HDAC9: variants seen among roughly 807,000 people sequenced by gnomAD.
HDAC9 encodes the protein MEF-2 interacting transcription repressor (MITR) protein.
A neutral mutation model predicts 139.4 loss-of-function variants in HDAC9; 41 were observed. That is an observed-to-expected ratio of 0.29 (90% CI 0.23 to 0.38). HDAC9 has a LOEUF of 0.38. Ranked by LOEUF, HDAC9 falls within the 10% of genes least tolerant of loss-of-function variation. HDAC9 has a pLI of 1.00. For missense variants in HDAC9, 1,147 were observed against 1,297.0 expected (o/e 0.88, Z 1.78); for synonymous variants, 517 against 476.2 (o/e 1.09, Z -1.12).
chr7:18,683,789 T>G (rs1313021444), intron 12 of HDAC9, among the ~76,000 whole-genome samples: 1 of 152,056 alleles, frequency 6.6e-6, no homozygotes, highest in Non-Finnish European at 1.5e-5. Flanking sequence ...ACTGGAGGCA[T>G]CAAAGTCTGA....
At chr7:18,747,340 A>G (rs546904494) in intron 13 of HDAC9, among the ~76,000 whole-genome samples, 3 of 152,186 alleles carry the variant, frequency 2.0e-5, no homozygotes, top group Non-Finnish European at 4.4e-5. Flanking sequence ...ATTAGAGATA[A>G]TAACACCTTG....
At chr7:18,180,466 T>C (rs1789333519) in intron 2 of HDAC9, among the ~76,000 whole-genome samples, 2 of 152,130 alleles carry the variant, frequency 1.3e-5, no homozygotes, top group African/African-American at 2.4e-5. Flanking sequence ...GTATGAGAGA[T>C]TGATCATTTT....
At chr7:18,199,754 C>CAAAAA (rs59883693) in intron 2 of HDAC9, among the ~76,000 whole-genome samples, 4 of 55,712 alleles carry the variant, frequency 7.2e-5, no homozygotes, top group East Asian at 6.1e-4. Flanking sequence ...ATGTGTCTAC[C>CAAAAA]AAAAAAAAAA....
At chr7:18,503,786 T>C (rs1258577859) in intron 2 of HDAC9, among the ~76,000 whole-genome samples, 2 of 152,208 alleles carry the variant, frequency 1.3e-5, no homozygotes, top group Non-Finnish European at 2.9e-5. Context: ...TCAGAAACTT[T>C]TAAATTCATA....
intron 17 of HDAC9, among the ~76,000 whole-genome samples, chr7:18,816,733 A>G (rs1250142087): frequency 6.6e-6 from 1 of 152,220 alleles, no homozygotes; most frequent in Non-Finnish European, 1.5e-5. Flanking sequence ...ATTTTCATGC[A>G]TGATCTAACT....
In HDAC9 at chr7:18,235,020, A is replaced by G. The variant is rs566223495; in HGVS notation, c.25+72671A>G. Among the ~76,000 whole-genome samples, 6 of 152,250 alleles carry G rather than the reference A, an allele frequency of 3.9e-5. No homozygotes were observed. In the South Asian group the frequency reaches 1.0e-3, roughly 26 times the overall value. On this transcript the variant is annotated intron_variant, in intron 2 of 12. Transcript: ENST00000417496. ...AGCTTGTGAAAAAAGCCCCTTTGGGATCCTTTGCCCAGAGCTCTTGTTCAG... is the reference window on the plus strand; with the variant it reads ...AGCTTGTGAAAAAAGCCCCTTTGGGGTCCTTTGCCCAGAGCTCTTGTTCAG...
intron 25 of HDAC9, among the ~76,000 whole-genome samples, chr7:18,982,182 G>A (rs1463711744): frequency 6.6e-6 from 1 of 152,124 alleles, no homozygotes; most frequent in Non-Finnish European, 1.5e-5. Flanking sequence ...TCAGTCCAAA[G>A]TATCATCATC....
At chr7:18,389,864 A>G (rs1439883348) in intron 1 of HDAC9, among the ~76,000 whole-genome samples, 1 of 152,138 alleles carries the variant, frequency 6.6e-6, no homozygotes, top group Non-Finnish European at 1.5e-5. Context: ...GGGGTTAATA[A>G]AAGTTGGCTT....
chr7:18,638,412 G>A (rs1181311138), intron 8 of HDAC9, among the ~76,000 whole-genome samples: 3 of 152,070 alleles, frequency 2.0e-5, no homozygotes, highest in Non-Finnish European at 1.5e-5. Context: ...ATAAATTGAG[G>A]TTCAGGAAAT....
At chr7:18,119,424 T>C (rs1784223296) in intron 1 of HDAC9, among the ~76,000 whole-genome samples, 1 of 152,214 alleles carries the variant, frequency 6.6e-6, no homozygotes, top group Non-Finnish European at 1.5e-5. Flanking sequence ...ACATTTGCCA[T>C]AGAAAATGTT....
At chr7:18,561,995 C>T (rs985902994) in intron 2 of HDAC9, among the ~76,000 whole-genome samples, 1 of 152,108 alleles carries the variant, frequency 6.6e-6, no homozygotes. Flanking sequence ...GCCAACACTT[C>T]TTATAATACA....
chr7:18,972,794 A>G (rs767063481), intron 24 of HDAC9, among the ~76,000 whole-genome samples: 3 of 152,230 alleles, frequency 2.0e-5, no homozygotes, highest in Non-Finnish European at 4.4e-5. Flanking sequence ...ATGAGAAATT[A>G]AGAGTAGAGT....
At chr7:18,799,378 G>A (rs1242898697) in intron 17 of HDAC9, among the ~76,000 whole-genome samples, 1 of 152,114 alleles carries the variant, frequency 6.6e-6, no homozygotes, top group Non-Finnish European at 1.5e-5. Flanking sequence ...TTTGAGACAA[G>A]CAAAGAAACA....
chr7:18,968,231 C>T (rs1024839370), intron 24 of HDAC9, among the ~76,000 whole-genome samples: 1 of 152,186 alleles, frequency 6.6e-6, no homozygotes, highest in African/African-American at 2.4e-5. Context: ...TTCCCCTTAT[C>T]AACCATACTT....
intron 8 of HDAC9, among the ~76,000 whole-genome samples, chr7:18,643,117 C>G (rs1028410860): frequency 8.6e-5 from 13 of 151,886 alleles, no homozygotes; most frequent in Non-Finnish European, 1.8e-4. Flanking sequence ...TCCTTTTGTT[C>G]TTGTACAGGT....
intron 2 of HDAC9, among the ~76,000 whole-genome samples, chr7:18,248,047 T>C (rs1181453827): frequency 6.6e-6 from 1 of 152,174 alleles, no homozygotes; most frequent in African/African-American, 2.4e-5. Context: ...GGAAATTATA[T>C]GCAAGACTCA....
At chr7:18,937,913 T>G (rs1414929265) in intron 23 of HDAC9, among the ~76,000 whole-genome samples, 1 of 152,220 alleles carries the variant, frequency 6.6e-6, no homozygotes, top group Non-Finnish European at 1.5e-5. Flanking sequence ...AACCCAACAT[T>G]TCCAATGAGG....
rs1335803433 is a variant in HDAC9, at chr7:18,204,793, C to T, written c.25+42444C>T. 2.6e-5 allele frequency among the ~76,000 whole-genome samples: 4 copies of T among 151,924 alleles called. No homozygotes were observed. In the East Asian group the frequency reaches 7.7e-4, roughly 29 times the overall value. On this transcript the variant is annotated intron_variant, in intron 2 of 12. Transcript: ENST00000417496. ...CCCCTGTATGTAACATACAAATCAA[C>T]ATTTTATCTTATGTTTGATAAACAT...
intron 25 of HDAC9, among the ~76,000 whole-genome samples, chr7:18,990,155 C>T (rs1785757432): frequency 6.6e-6 from 1 of 152,136 alleles, no homozygotes. Flanking sequence ...TCCAGTTTTT[C>T]TGCTCTGTTT....
Sources: gnomAD v4.1 joint callset for allele counts (sites outside exome capture counted in the v4.1 genomes callset) on GRCh38, gnomAD v4.1.1 for gene constraint, MANE v1.5 for transcripts, NCBI Gene and HGNC (gene_info 2026-07-23, HGNC 2026-07-21) for gene names.